The following BACE1 variants were observed in gnomAD, a reference collection of about 807,000 sequenced individuals.
BACE1 encodes beta-secretase 1, also known as APP beta-secretase.
A neutral mutation model predicts 54.0 loss-of-function variants in BACE1; 21 were observed. The ratio of observed to expected loss-of-function variants is 0.39; its 90% CI spans 0.28 to 0.56. The LOEUF is 0.56. Ranked by LOEUF, BACE1 falls within the 20% of genes least tolerant of loss-of-function variation. The pLI, the probability that BACE1 is intolerant of heterozygous loss-of-function variation, is 0.63. For synonymous variants in BACE1, 232 were observed against 260.9 expected (o/e 0.89, Z 1.07); for missense variants, 511 against 661.2 (o/e 0.77, Z 2.49).
In BACE1 at chr11:117,315,897, G is replaced by A. The variant is rs28917233; in HGVS notation, c.-102C>T. On this transcript the variant is annotated 5_prime_UTR_variant, in exon 1 of 9. Transcript: ENST00000313005. This position sits in a 1 kb window ranked among gnomAD's most constrained non-coding sequence, Gnocchi z 5.5. ...TGGTGCTGGTGGCTTCTCAGGAGAG[G>A]GAGCTTGGGGGCATCAGGACGCCAG... 5,807 of 1,293,786 alleles carry A rather than the reference G, an allele frequency of 4.5e-3. 184 individuals carry two copies. In the African/African-American group the frequency reaches 0.076, roughly 17 times the overall value. 80.1% of individuals were successfully genotyped at this position (1,293,786 alleles called of 1,614,324 possible).
At position 117,289,827 on chromosome 11, in the gene BACE1, G is replaced by A; in HGVS notation, c.1265-20C>T. ...CGTGCACTGGGGAGAGGGCAAATGT[G>A]AATGGACAGCTCTCATTGTCATAGA... is the stretch of plus-strand genomic sequence containing the variant. On this transcript the variant is annotated intron_variant, in intron 8 of 8. Transcript: ENST00000313005. The A allele has an allele frequency of 9.4e-6, 15 of 1,603,796 alleles. No individual in the cohort carries two copies. The highest frequency in any genetic ancestry group is 1.3e-5 in the Non-Finnish European group (15 of 1,170,944).
chr11:117,315,620 C>G lies in BACE1; in HGVS notation c.176G>C (p.Ser59Thr), dbSNP rs1193602386. Residue 59 changes from serine to threonine, a missense_variant, in exon 1 of 9, where the codon AGC becomes ACC. Ser to Thr is a moderately conservative substitution (Grantham distance 58). Transcript: ENST00000313005. The surrounding 1 kb of genome is among the most constrained non-coding windows in gnomAD (Gnocchi z 5.5). ...CAGGTTGTCCACCATCTCCACAAAG[C>G]TGCCCCTCCGGCCGGGCTCCTCGGG... ...EEPEEPGRRG[S>T]FVEMVDNLRG... The G allele has an allele frequency of 6.3e-7, 1 of 1,587,016 alleles. No homozygotes were observed. Among genetic ancestry groups the G allele is most frequent in the East Asian group, 2.4e-5 (1 of 41,000 alleles).
At chr11:117,314,206 C>T (rs1022873999) in intron 1 of BACE1, among the ~76,000 whole-genome samples, 6 of 152,174 alleles carry the variant, frequency 3.9e-5, no homozygotes, top group Admixed American at 2.0e-4. Context: ...TATCATCTAG[C>T]GTTCTGTTTG....
At chr11:117,313,454 GAC>G (rs1413525933) in intron 1 of BACE1, among the ~76,000 whole-genome samples, 1 of 152,140 alleles carries the variant, frequency 6.6e-6, no homozygotes, top group Non-Finnish European at 1.5e-5. Context: ...TTTTTTCTGA[GAC>G]AGAGTTTTGC....
chr11:117,312,464 C>T (rs900022258), intron 1 of BACE1, among the ~76,000 whole-genome samples: 1 of 151,888 alleles, frequency 6.6e-6, no homozygotes, highest in East Asian at 1.9e-4. Flanking sequence ...ACATTATTCT[C>T]TTTTCTTTTT....
Position 117,315,867 on chromosome 11 carries a change from C to A in BACE1, c.-72G>T. ...CCGTCCCTGGCGCCTGCCCCCAAGT[C>A]TGGGTGGTGCTGGTGGCTTCTCAGG... On this transcript the variant is annotated 5_prime_UTR_variant, in exon 1 of 9. Transcript: ENST00000313005. This position sits in a 1 kb window ranked among gnomAD's most constrained non-coding sequence, Gnocchi z 5.5. 1 of 1,361,314 alleles carries A rather than the reference C, an allele frequency of 7.3e-7. No individual in the cohort carries two copies. Among genetic ancestry groups the A allele is most frequent in the Non-Finnish European group, 9.4e-7 (1 of 1,062,868 alleles). The allele number at this position is 1,361,314 out of a possible 1,614,324, so 84.3% of individuals were successfully genotyped here.
intron 1 of BACE1, 97 bp from the exon 2 acceptor site, chr11:117,297,058 A>G (rs2034617977): frequency 1.1e-6 from 1 of 894,964 alleles, no homozygotes; most frequent in African/African-American, 1.7e-5. Context: ...TCTGCCCCTT[A>G]GAATGTCCAG....
intron 1 of BACE1, among the ~76,000 whole-genome samples, chr11:117,312,395 T>A (rs777509748): frequency 1.3e-5 from 2 of 152,214 alleles, no homozygotes; most frequent in African/African-American, 2.4e-5. Context: ...GCGGCTTTCC[T>A]GGATGAGTTT....
At chr11:117,311,937 C>T (rs1054483631) in intron 1 of BACE1, among the ~76,000 whole-genome samples, 1 of 152,218 alleles carries the variant, frequency 6.6e-6, no homozygotes, top group Non-Finnish European at 1.5e-5. Flanking sequence ...CCACACACAG[C>T]CCCCACTCTT....
At chr11:117,299,262 C>T (rs1472750751) in intron 1 of BACE1, among the ~76,000 whole-genome samples, 1 of 152,210 alleles carries the variant, frequency 6.6e-6, no homozygotes, top group East Asian at 1.9e-4. Flanking sequence ...CATCTCGCCT[C>T]TTGCCGACTT....
chr11:117,292,952 C>T, intron 5 of BACE1, 102 bp downstream of exon 5: 1 of 1,406,340 alleles, frequency 7.1e-7, no homozygotes, highest in South Asian at 1.3e-5. Context: ...TCTGCAGGTC[C>T]TATTACCTCT....
At chr11:117,292,935 A>G in intron 5 of BACE1, 119 bp downstream of exon 5, 1 of 1,278,992 alleles carries the variant, frequency 7.8e-7, no homozygotes, top group Non-Finnish European at 1.1e-6. Flanking sequence ...CTCAACTTCC[A>G]ACCCTTTCTG....
chr11:117,299,792 C>A, intron 1 of BACE1: 1 of 283,234 alleles, frequency 3.5e-6, no homozygotes, highest in South Asian at 2.8e-5. Flanking sequence ...CTTCACCCAC[C>A]CTCTCCCCAC....
Position 117,315,753 on chromosome 11 carries a change from C to T in BACE1, c.43G>A (p.Gly15Arg). Residue 15 changes from glycine (G) to arginine (R), a missense_variant, in exon 1 of 9, where the codon GGA becomes AGA. By Grantham distance (125) the Gly-to-Arg change is moderately radical (BLOSUM62 -2). Coordinates refer to ENST00000313005, the MANE Select transcript of BACE1 (RefSeq NM_012104.6). This position sits in a 1 kb window ranked among gnomAD's most constrained non-coding sequence, Gnocchi z 5.5. ...TGGGTGCCGTGGGCAGGCAGCACTC[C>T]CGCGCCCATCCACAGCAGGAGCCAG... ...LPWLLLWMGAGVLPAHGTQHG... is the reference protein window; with the variant it reads ...LPWLLLWMGARVLPAHGTQHG... 1 of 1,465,840 alleles carries T rather than the reference C, an allele frequency of 6.8e-7. No homozygotes were observed. The highest frequency in any genetic ancestry group is 9.0e-7 in the Non-Finnish European group (1 of 1,113,956). 90.8% of individuals were successfully genotyped at this position (1,465,840 alleles called of 1,614,324 possible).
rs1391578325 is a variant in BACE1, at chr11:117,290,561, A to T, written c.1191T>A (p.Val397=). The change falls in exon 8 of 9, where the codon GTT becomes GTA. Residue 397 remains valine, a synonymous_variant. Transcript: ENST00000313005. ...QSSTGTVMGA[V]IMEGFYVVFD... is the part of the protein sequence containing the mutation. ...AGACAACGTAGAAGCCCTCCATGAT[A>T]ACAGCTCCCATAACAGTGCCCGTGG... 6.2e-7 allele frequency: 1 copy of T among 1,614,200 alleles called. No individual in the cohort carries two copies. Among genetic ancestry groups the T allele is most frequent in the Non-Finnish European group, 8.5e-7 (1 of 1,180,032 alleles).
chr11:117,307,454 G>A (rs1430837378), intron 1 of BACE1, among the ~76,000 whole-genome samples: 1 of 152,168 alleles, frequency 6.6e-6, no homozygotes, highest in Non-Finnish European at 1.5e-5. Context: ...TGGGATTACA[G>A]GCACGTGCCA....
At position 117,290,988 on chromosome 11, in the gene BACE1, G is replaced by A; in HGVS notation, c.1004C>T (p.Thr335Ile). The A allele has an allele frequency of 1.9e-6, 3 of 1,614,188 alleles. No homozygotes were observed. Among genetic ancestry groups the A allele is most frequent in the Non-Finnish European group, 2.5e-6 (3 of 1,180,028 alleles). ...GEQLVCWQAG[T>I]TPWNIFPVIS... ...GACTGGGAAAATGTTCCAAGGGGTGGTGCCTGCTTGCCAGCACACCAGCTG... is the reference window on the plus strand; with the variant it reads ...GACTGGGAAAATGTTCCAAGGGGTGATGCCTGCTTGCCAGCACACCAGCTG... Residue 335 changes from threonine (T) to isoleucine (I), a missense_variant, in exon 7 of 9, where the codon ACC becomes ATC. Thr to Ile is a moderately conservative substitution (Grantham distance 89). Around this residue, in one of 2 missense-constraint regions of BACE1, gnomAD observed 407 missense variants for 565.7 expected, o/e 0.72. Transcript: ENST00000313005.
rs558288817 is a variant in BACE1 at position 117,289,964 on chromosome 11, A to G, written c.1265-157T>C. On this transcript the variant is annotated intron_variant, in intron 8 of 8. Coordinates refer to ENST00000313005, the MANE Select transcript of BACE1 (RefSeq NM_012104.6). ...AGGAGCAGGCTGGGAAGCCAGCACC[A>G]GGTAGAGGCCTGTCTCCCTTCCCAA... Among the ~76,000 whole-genome samples, 31 of 152,308 alleles carry G rather than the reference A, an allele frequency of 2.0e-4. No individual in the cohort carries two copies. The South Asian group carries it at 6.2e-3, about 31-fold the overall frequency.
intron 1 of BACE1, among the ~76,000 whole-genome samples, chr11:117,310,207 G>A (rs915531279): frequency 6.6e-6 from 1 of 152,014 alleles, no homozygotes; most frequent in Non-Finnish European, 1.5e-5. Flanking sequence ...GCTGAACCTG[G>A]CCCTTTCGTT....
Sources: allele counts gnomAD v4.1 joint callset (sites outside exome capture counted in the v4.1 genomes callset), GRCh38; gene constraint gnomAD v4.1.1; regional missense constraint gnomAD v4.1.1; non-coding constraint Gnocchi (gnomAD v3.1); transcripts MANE v1.5; gene names NCBI Gene and HGNC (gene_info 2026-07-23, HGNC 2026-07-21).